Variants in BRAF observed in about 807,000 individuals in gnomAD.
BRAF encodes serine/threonine-protein kinase B-raf.
BRAF carries 16 observed loss-of-function variants against 104.6 expected under a neutral mutation model. The observed-to-expected ratio is 0.15, with a 90% CI of 0.10 to 0.23. The LOEUF (loss-of-function observed/expected upper bound fraction) is 0.23. Among genes scored for constraint, BRAF ranks in the 10% least tolerant of loss-of-function variants. The pLI, the probability that BRAF is intolerant of heterozygous loss-of-function variation, is 1.00. For synonymous variants in BRAF, 310 were observed against 341.6 expected (o/e 0.91, Z 1.02); for missense variants, 541 against 937.3 (o/e 0.58, Z 5.52).
chr7:140,814,881 T>C (rs1804699786), intron 3 of BRAF, among the ~76,000 whole-genome samples: 1 of 148,602 alleles, frequency 6.7e-6, no homozygotes, highest in African/African-American at 2.5e-5. Context: ...AAAACAGTTG[T>C]TCTAAAATTT....
At chr7:140,909,054 G>A (rs910394770) in intron 1 of BRAF, among the ~76,000 whole-genome samples, 4 of 144,956 alleles carry the variant, frequency 2.8e-5, no homozygotes, top group Non-Finnish European at 6.0e-5. Flanking sequence ...GAATAACCCA[G>A]TCTTCCAATA....
At chr7:140,753,464 A>G in intron 15 of BRAF, 71 bp from the exon 15 acceptor site, 1 of 979,654 alleles carries the variant, frequency 1.0e-6, no homozygotes, top group East Asian at 2.4e-5. Flanking sequence ...TGAAGAGTTT[A>G]GGTAAGAGAT....
chr7:140,862,039 C>A (rs1184814088), intron 1 of BRAF, among the ~76,000 whole-genome samples: 3 of 152,318 alleles, frequency 2.0e-5, no homozygotes, highest in Admixed American at 1.3e-4. Context: ...ATACATGACA[C>A]TTGTAGTCAT....
At position 140,749,098 on chromosome 7, in the gene BRAF, T is replaced by C. The variant is rs1272687172; in HGVS notation, c.2112+189A>G. 3.6e-5 allele frequency: 22 copies of C among 610,068 alleles called. No individual in the cohort carries two copies. The East Asian group carries it at 6.4e-4, about 18-fold the overall frequency. 37.8% of individuals were successfully genotyped at this position (610,068 alleles called of 1,614,324 possible). A position where few individuals can be genotyped will look rare whatever the true frequency, so the allele number is the denominator to read the frequency against. On this transcript the variant is annotated intron_variant, in intron 17 of 19. Transcript: ENST00000644969. ...TTTATTCCATTGTAACATTCATGAC[T>C]GATATTCTGAGGAAAGGACTTAACG...
intron 12 of BRAF, chr7:140,779,826 G>T (rs1008989745): frequency 5.3e-5 from 8 of 152,226 alleles, no homozygotes; most frequent in African/African-American, 1.7e-4. Flanking sequence ...TAGCTACTCA[G>T]GAGGCTGAGG....
At chr7:140,828,392 C>T (rs185127926) in intron 3 of BRAF, among the ~76,000 whole-genome samples, 38 of 152,152 alleles carry the variant, frequency 2.5e-4, no homozygotes, top group African/African-American at 5.5e-4. Context: ...TTTTCAACTC[C>T]GTCTTTGTTT....
Position 140,848,730 on chromosome 7 carries a change from A to G in BRAF, c.240+1381T>C, listed in dbSNP as rs1250741068. Among the ~76,000 whole-genome samples the G allele has an allele frequency of 2.6e-5, 4 of 152,230 alleles. No individual in the cohort carries two copies. The East Asian group carries it at 7.7e-4, about 29-fold the overall frequency. ...CACCTTTGATCAGCCTCCTAATAAT[A>G]TATGTATAGAAGATAGCACAGGCTA... On this transcript the variant is annotated intron_variant, in intron 2 of 19. Coordinates refer to ENST00000644969, the MANE Select transcript of BRAF (RefSeq NM_001374258.1).
chr7:140,748,145 A>C (rs748975005), intron 17 of BRAF, among the ~76,000 whole-genome samples: 1 of 152,218 alleles, frequency 6.6e-6, no homozygotes, highest in Non-Finnish European at 1.5e-5. Flanking sequence ...TGGTAACTTA[A>C]GAGATTATTT....
chr7:140,738,785 T>A (rs1796658622), intron 18 of BRAF, among the ~76,000 whole-genome samples: 1 of 151,926 alleles, frequency 6.6e-6, no homozygotes, highest in Admixed American at 6.6e-5. Flanking sequence ...CCCAGCTAAT[T>A]TTTGTATTTT....
Position 140,722,862 on chromosome 7 carries a change from C to CTAAACCCCTAA in BRAF, c.*3631_*3632insTTAGGGGTTTA. ...AAGATTCTGAAACGTACCCCTAAAC[C>CTAAACCCCTAA]GGTTCTGGCACCACTTTCAACAACA... On this transcript the variant is annotated 3_prime_UTR_variant, in exon 20 of 20. Transcript: ENST00000644969. 9.5e-7 allele frequency: 1 copy of CTAAACCCCTAA among 1,054,382 alleles called. No individual in the cohort carries two copies. Among genetic ancestry groups the CTAAACCCCTAA allele is most frequent in the Middle Eastern group, 4.3e-4 (1 of 2,330 alleles). The allele number at this position is 1,054,382 out of a possible 1,614,324, so 65.3% of individuals were successfully genotyped here.
intron 2 of BRAF, chr7:140,835,699 A>T (rs1807253765): frequency 6.6e-6 from 1 of 152,206 alleles, no homozygotes; most frequent in Non-Finnish European, 1.5e-5. Context: ...TATAAAGTCA[A>T]GCAACCATAC....
chr7:140,797,666 C>T (rs1198541541), intron 7 of BRAF, among the ~76,000 whole-genome samples: 1 of 152,162 alleles, frequency 6.6e-6, no homozygotes, highest in Non-Finnish European at 1.5e-5. Context: ...AGATAGCATT[C>T]CTTCACTGGA....
intron 1 of BRAF, among the ~76,000 whole-genome samples, chr7:140,882,301 T>TA (rs1813007777): frequency 6.6e-6 from 1 of 152,134 alleles, no homozygotes; most frequent in African/African-American, 2.4e-5. Flanking sequence ...TGTGTCACTT[T>TA]AGCCAACTTT....
intron 2 of BRAF, among the ~76,000 whole-genome samples, chr7:140,845,047 TG>T (rs1461814970): frequency 6.6e-6 from 1 of 151,882 alleles, no homozygotes; most frequent in Non-Finnish European, 1.5e-5. Context: ...CAAAACAGTA[TG>T]ATGACAGCAT....
chr7:140,713,486 A>G, the BRAF span, among the ~76,000 whole-genome samples: 31 of 152,096 alleles, frequency 2.0e-4, no homozygotes, highest in Middle Eastern at 3.4e-3. Flanking sequence ...ACTTCTCTGC[A>G]TTGGTTATTC....
chr7:140,748,567 G>A (rs978303120), intron 17 of BRAF, among the ~76,000 whole-genome samples: 1 of 152,114 alleles, frequency 6.6e-6, no homozygotes, highest in African/African-American at 2.4e-5. Flanking sequence ...TATTAACAGT[G>A]TAACTGTTGT....
chr7:140,773,707 C>T lies in BRAF; in HGVS notation c.1814+3205G>A, dbSNP rs1586108583. Among the ~76,000 whole-genome samples the T allele has an allele frequency of 2.0e-5, 3 of 152,142 alleles. No individual in the cohort carries two copies. In the South Asian group the frequency reaches 6.2e-4, roughly 31 times the overall value. On this transcript the variant is annotated intron_variant, in intron 14 of 19. Coordinates refer to ENST00000644969, the MANE Select transcript of BRAF (RefSeq NM_001374258.1). ...TTTTCAAACAGGCCTTTCATTTTAA[C>T]CCTTTCATCCCCTGAGATAGCTGAT...
intron 1 of BRAF, among the ~76,000 whole-genome samples, chr7:140,903,757 C>T (rs1369768456): frequency 6.6e-6 from 1 of 152,192 alleles, no homozygotes; most frequent in Non-Finnish European, 1.5e-5. Flanking sequence ...GGAGGTAAAA[C>T]TGGCAACATT....
chr7:140,746,616 G>A (rs1797367433), intron 17 of BRAF, among the ~76,000 whole-genome samples: 1 of 151,968 alleles, frequency 6.6e-6, no homozygotes, highest in African/African-American at 2.4e-5. Flanking sequence ...AGATCATCAG[G>A]TTAGGAGTTT....
Sources: gnomAD v4.1 joint callset for allele counts (sites outside exome capture counted in the v4.1 genomes callset) on GRCh38, gnomAD v4.1.1 for gene constraint, MANE v1.5 for transcripts, NCBI Gene and HGNC (gene_info 2026-07-23, HGNC 2026-07-21) for gene names.